TMEM232: variants seen among roughly 807,000 people sequenced by gnomAD.
TMEM232 encodes transmembrane protein 232.
A neutral mutation model predicts 78.8 loss-of-function variants in TMEM232; 80 were observed. The observed-to-expected ratio is 1.01, with a 90% CI of 0.85 to 1.22. The LOEUF is 1.22. TMEM232 is among the 50% of genes most tolerant of loss of function. TMEM232 has a pLI of 0.00. For missense variants in TMEM232, 881 were observed against 742.2 expected (o/e 1.19, Z -2.17); for synonymous variants, 297 against 254.3 (o/e 1.17, Z -1.60).
chr5:110,453,177 A>C (rs1580740027), intron 12 of TMEM232, among the ~76,000 whole-genome samples: 1 of 152,134 alleles, frequency 6.6e-6, no homozygotes, highest in South Asian at 2.1e-4. Context: ...TTTTGGCCCA[A>C]TTTGCTGCAG....
intron 12 of TMEM232, among the ~76,000 whole-genome samples, chr5:110,487,440 G>T (rs773112317): frequency 2.6e-5 from 4 of 152,082 alleles, no homozygotes; most frequent in Non-Finnish European, 5.9e-5. Flanking sequence ...TATGTTGGAT[G>T]TGGGTTTGTC....
intron 12 of TMEM232, among the ~76,000 whole-genome samples, chr5:110,489,896 C>A (rs183054869): frequency 6.6e-6 from 1 of 151,722 alleles, no homozygotes; most frequent in Non-Finnish European, 1.5e-5. Flanking sequence ...AAGGCCGAGG[C>A]GGGCGGATCA....
At chr5:110,697,917 C>T (rs2150256518) in intron 1 of TMEM232, among the ~76,000 whole-genome samples, 1 of 152,276 alleles carries the variant, frequency 6.6e-6, no homozygotes, top group South Asian at 2.1e-4. Context: ...TACCATTTGA[C>T]CCAGCCATCC....
chr5:110,713,106 A>G (rs1796661672), intron 1 of TMEM232, among the ~76,000 whole-genome samples: 1 of 152,056 alleles, frequency 6.6e-6, no homozygotes, highest in Admixed American at 6.6e-5. Context: ...AATTTGCAAC[A>G]ATATGGATAG....
chr5:110,662,110 A>G lies in TMEM232; in HGVS notation c.125+5118T>C, dbSNP rs545337775. Reference sequence around the variant, plus strand: ...TCAATATTGAGACAAAGATATTCAGAATTAATAAGAAAATTTAGCAATATT... The same window carrying G: ...TCAATATTGAGACAAAGATATTCAGGATTAATAAGAAAATTTAGCAATATT... On this transcript the variant is annotated intron_variant, in intron 2 of 13. Transcript: ENST00000455884. Among the ~76,000 whole-genome samples the G allele has an allele frequency of 1.3e-5, 2 of 152,326 alleles. 1 individual carries two copies.
chr5:110,654,272 T>C (rs922960475), intron 2 of TMEM232, among the ~76,000 whole-genome samples: 4 of 152,322 alleles, frequency 2.6e-5, no homozygotes, highest in East Asian at 3.9e-4. Flanking sequence ...TTAAATAAAA[T>C]GATACTTTAG....
intron 1 of TMEM232, among the ~76,000 whole-genome samples, chr5:110,696,533 T>C (rs1489650576): frequency 6.6e-6 from 1 of 152,212 alleles, no homozygotes; most frequent in Non-Finnish European, 1.5e-5. Context: ...GCAGATGACA[T>C]GATTGTATAT....
At chr5:110,655,955 T>C (rs1302313784) in intron 2 of TMEM232, among the ~76,000 whole-genome samples, 2 of 149,368 alleles carry the variant, frequency 1.3e-5, no homozygotes, top group African/African-American at 2.5e-5. Context: ...TACCTAATGC[T>C]AAATGACGAG....
intron 3 of TMEM232, among the ~76,000 whole-genome samples, chr5:110,641,560 G>C (rs1304184059): frequency 6.6e-6 from 1 of 152,048 alleles, no homozygotes; most frequent in African/African-American, 2.4e-5. Flanking sequence ...CTTATCAAAA[G>C]TATACTCTTT....
intron 11 of TMEM232, 148 bp from the exon 12 acceptor site, chr5:110,528,983 A>C (rs1467355577): frequency 4.4e-6 from 4 of 905,498 alleles, no homozygotes; most frequent in Non-Finnish European, 5.7e-6. Context: ...TTTATAAAAA[A>C]ATTGCAGTTT....
chr5:110,480,042 C>T (rs895384086), intron 12 of TMEM232, among the ~76,000 whole-genome samples: 1 of 151,612 alleles, frequency 6.6e-6, no homozygotes, highest in African/African-American at 2.4e-5. Flanking sequence ...TAACTTTCAG[C>T]ATTTGTCTTT....
At position 110,478,393 on chromosome 5, in the gene TMEM232, A is replaced by C. The variant is rs1452027370; in HGVS notation, c.1703+50195T>G. Among the ~76,000 whole-genome samples the C allele has an allele frequency of 4.6e-5, 7 of 152,050 alleles. No individual in the cohort carries two copies. In the South Asian group the frequency reaches 1.5e-3, roughly 32 times the overall value. On this transcript the variant is annotated intron_variant, in intron 12 of 13. Transcript: ENST00000455884. ...GCAGTTTTCCACACTCTAAATACTAAGGATTTGCCTATGCATGTAAAATGG... is the reference window on the plus strand; with the variant it reads ...GCAGTTTTCCACACTCTAAATACTACGGATTTGCCTATGCATGTAAAATGG...
chr5:110,682,980 C>A (rs964111104), intron 1 of TMEM232, among the ~76,000 whole-genome samples: 1 of 152,156 alleles, frequency 6.6e-6, no homozygotes, highest in African/African-American at 2.4e-5. Flanking sequence ...TGCTCCAGAA[C>A]AGACTATGTC....
intron 2 of TMEM232, among the ~76,000 whole-genome samples, chr5:110,651,986 G>GT (rs1307671375): frequency 1.3e-5 from 2 of 152,074 alleles, no homozygotes; most frequent in Non-Finnish European, 2.9e-5. Flanking sequence ...AACATCTGGT[G>GT]TTTGCTTTAT....
intron 1 of TMEM232, among the ~76,000 whole-genome samples, chr5:110,736,668 C>T (rs1033601889): frequency 6.6e-6 from 1 of 151,982 alleles, no homozygotes; most frequent in African/African-American, 2.4e-5. Context: ...AGCTGCTTGC[C>T]TTTAGTAGGT....
chr5:110,694,369 A>C (rs1729893762), intron 1 of TMEM232, among the ~76,000 whole-genome samples: 2 of 152,216 alleles, frequency 1.3e-5, no homozygotes, highest in African/African-American at 2.4e-5. Context: ...TGCAAAGACC[A>C]TCAAGGCTGG....
intron 5 of TMEM232, among the ~76,000 whole-genome samples, chr5:110,634,836 T>A (rs1286370232): frequency 6.6e-6 from 1 of 150,980 alleles, no homozygotes; most frequent in African/African-American, 2.4e-5. Flanking sequence ...AGATGACAAA[T>A]AATAAAGATC....
chr5:110,670,239 T>C (rs1791177418), intron 1 of TMEM232, among the ~76,000 whole-genome samples: 1 of 152,190 alleles, frequency 6.6e-6, no homozygotes, highest in African/African-American at 2.4e-5. Flanking sequence ...AACCCCATTG[T>C]CTCAGCCCAA....
At chr5:110,666,100 AT>A (rs1224952014) in intron 2 of TMEM232, among the ~76,000 whole-genome samples, 1 of 152,068 alleles carries the variant, frequency 6.6e-6, no homozygotes, top group Non-Finnish European at 1.5e-5. Flanking sequence ...TAATTAACAA[AT>A]AAAAAAGCTG....
Sources: gnomAD v4.1 joint callset for allele counts (sites outside exome capture counted in the v4.1 genomes callset) on GRCh38, gnomAD v4.1.1 for gene constraint, MANE v1.5 for transcripts, NCBI Gene and HGNC (gene_info 2026-07-23, HGNC 2026-07-21) for gene names.